The following INTS3 variants were observed in gnomAD, a reference collection of about 807,000 sequenced individuals.
The protein encoded by INTS3 is integrator complex subunit 3.
In INTS3, 34 loss-of-function variants were observed where a neutral mutation model predicts 146.3. The ratio of observed to expected loss-of-function variants is 0.23; its 90% confidence interval spans 0.18 to 0.31. The LOEUF (loss-of-function observed/expected upper bound fraction) is 0.31. Among genes scored for constraint, INTS3 ranks in the 10% least tolerant of loss-of-function variants. INTS3 has a pLI of 1.00. For synonymous variants in INTS3, 475 were observed against 494.9 expected, an observed-to-expected ratio of 0.96 and a Z score of 0.53; for missense variants, 757 against 1,304.2, an observed-to-expected ratio of 0.58 and a Z score of 6.46.
At chr1:153,742,501 T>TGTGTGTGTGTGTGTGC (rs1232087412) in intron 3 of INTS3, among the ~76,000 whole-genome samples, 3 of 151,988 alleles carry the variant, frequency 2.0e-5, no homozygotes, top group Non-Finnish European at 4.4e-5. Context: ...TGTGTGTGTG[T>TGTGTGTGTGTGTGTGC]GTGTGTGCGT....
chr1:153,759,193 G>A (rs914908612), intron 10 of INTS3, among the ~76,000 whole-genome samples: 1 of 151,450 alleles, frequency 6.6e-6, no homozygotes, highest in South Asian at 2.1e-4. Context: ...AGGCTCTCTC[G>A]AGCCTGGGCG....
At chr1:153,756,505 G>T (rs1238724998) in intron 9 of INTS3, among the ~76,000 whole-genome samples, 1 of 150,944 alleles carries the variant, frequency 6.6e-6, no homozygotes, top group African/African-American at 2.4e-5. Flanking sequence ...CCATCAATGA[G>T]ACCCTGTCTC....
At chr1:153,748,609 C>T in intron 5 of INTS3, 80 bp from the exon 6 acceptor site, 1 of 1,138,302 alleles carries the variant, frequency 8.8e-7, no homozygotes, top group Admixed American at 1.7e-5. Flanking sequence ...CAGGGTGGAC[C>T]AGCAGAATGG....
intron 6 of INTS3, chr1:153,750,828 T>TTA (rs966786337): frequency 6.6e-6 from 3 of 456,720 alleles, no homozygotes; most frequent in African/African-American, 6.0e-5. Context: ...AGCTAAGTAG[T>TTA]TAGGTGGTAA....
intron 20 of INTS3, among the ~76,000 whole-genome samples, chr1:153,766,115 CTTTTTTTTTTTTTTT>C (rs542483679): frequency 1.2e-5 from 1 of 84,650 alleles, no homozygotes; most frequent in African/African-American, 5.3e-5. Context: ...TTTTCTTTCT[CTTTTTTTTTTTTTTT>C]TTTTTTTTTG....
intron 16 of INTS3, among the ~76,000 whole-genome samples, 159 bp downstream of exon 16, chr1:153,763,521 G>A (rs527612203): frequency 2.3e-3 from 347 of 152,290 alleles, no homozygotes; most frequent in Middle Eastern, 0.017. Flanking sequence ...TGCACTTTAC[G>A]TTAGGGAGTA....
intron 3 of INTS3, among the ~76,000 whole-genome samples, chr1:153,746,407 C>T (rs369552310): frequency 2.0e-5 from 3 of 150,660 alleles, no homozygotes; most frequent in African/African-American, 4.9e-5. Flanking sequence ...CCCCTGCCCC[C>T]GAGACAGAGT....
At chr1:153,760,201 C>G in intron 11 of INTS3, 110 bp from the exon 12 acceptor site, 1 of 756,584 alleles carries the variant, frequency 1.3e-6, no homozygotes, top group Non-Finnish European at 2.1e-6. Flanking sequence ...CATTTGCACT[C>G]CAGCCTGGGT....
chr1:153,748,069 A>C (rs16835525), intron 5 of INTS3: 1,911 of 156,148 alleles, frequency 0.012, 47 homozygotes, highest in African/African-American at 0.044. Flanking sequence ...TGAACATTGA[A>C]TTTTTTAATT....
chr1:153,739,657 CAG>C (rs1200566062), intron 1 of INTS3, among the ~76,000 whole-genome samples: 3 of 151,022 alleles, frequency 2.0e-5, no homozygotes, highest in Admixed American at 6.6e-5. Context: ...TTAGTAGAGA[CAG>C]GGTTTCACCA....
intron 1 of INTS3, among the ~76,000 whole-genome samples, chr1:153,739,156 C>T (rs1293321644): frequency 5.9e-5 from 9 of 152,086 alleles, no homozygotes; most frequent in Non-Finnish European, 1.2e-4. Context: ...TGCCACCTGC[C>T]GGGTTCAAGT....
intron 13 of INTS3, 170 bp downstream of exon 13, chr1:153,761,088 C>G (rs938814556): frequency 1.4e-6 from 2 of 1,439,018 alleles, no homozygotes; most frequent in Non-Finnish European, 1.8e-6. Flanking sequence ...AGGAATTTCT[C>G]TCCTGCCATC....
chr1:153,770,594 C>A, intron 24 of INTS3, 91 bp from the exon 25 acceptor site: 1 of 1,072,686 alleles, frequency 9.3e-7, no homozygotes, highest in Non-Finnish European at 1.4e-6. Context: ...TCCTTATTCC[C>A]TCCAGTGGCT....
intron 25 of INTS3, 141 bp downstream of exon 25, chr1:153,770,874 G>T (rs1015079514): frequency 1.6e-5 from 11 of 708,504 alleles, no homozygotes; most frequent in Admixed American, 2.1e-5. Flanking sequence ...TTCCCCCAAC[G>T]TGACTTACAA....
Position 153,744,836 on chromosome 1 carries a change from AC to A in INTS3, c.319-2120del, listed in dbSNP as rs1671664789. Among the ~76,000 whole-genome samples the A allele has an allele frequency of 9.9e-5, 15 of 152,162 alleles. 1 individual carries two copies. The highest frequency in any genetic ancestry group is 9.8e-4 in the Admixed American group (15 of 15,278). On this transcript the variant is annotated intron_variant, in intron 3 of 29. Transcript: ENST00000318967. ...AGAAAGGTAGAGTCTCAAAACTATT[AC>A]AAACTCATACCGCTATTCCCAGCAG...
chr1:153,774,048 T>C lies in INTS3; in HGVS notation c.*778T>C, dbSNP rs1474402950. 1 of 163,390 alleles carries C rather than the reference T, an allele frequency of 6.1e-6. No homozygotes were observed. The highest frequency in any genetic ancestry group is 6.5e-5 in the Admixed American group (1 of 15,286). The allele number at this position is 163,390 out of a possible 1,614,324, so 10.1% of individuals were successfully genotyped here. ...GAGATAATCGTGTCTTAAAAGTTGT[T>C]TTTAAATGACAATAAAACAAGCCAG... is the stretch of plus-strand genomic sequence containing the variant. On this transcript the variant is annotated 3_prime_UTR_variant, in exon 30 of 30. Transcript: ENST00000318967.
At chr1:153,754,600 C>T in intron 8 of INTS3, 42 bp from the exon 9 acceptor site, 1 of 1,363,924 alleles carries the variant, frequency 7.3e-7, no homozygotes, top group Non-Finnish European at 1.1e-6. Flanking sequence ...CTTTCTGGTC[C>T]TTAGGCTTCC....
chr1:153,753,340 C>CTT (rs1557999309), intron 8 of INTS3, among the ~76,000 whole-genome samples: 2 of 151,876 alleles, frequency 1.3e-5, no homozygotes, highest in Admixed American at 6.6e-5. Context: ...GGGCGGATCA[C>CTT]GGGGTCAAGA....
chr1:153,759,702 C>A, intron 11 of INTS3, 89 bp downstream of exon 11: 1 of 843,928 alleles, frequency 1.2e-6, no homozygotes, highest in Non-Finnish European at 2.0e-6. Flanking sequence ...AATCTCAGGG[C>A]ACCGTGGAGT....
Sources: gnomAD v4.1 joint callset for allele counts (sites outside exome capture counted in the v4.1 genomes callset) on GRCh38, gnomAD v4.1.1 for gene constraint, MANE v1.5 for transcripts, NCBI Gene and HGNC (gene_info 2026-07-23, HGNC 2026-07-21) for gene names.